XXYLT1: variants seen among roughly 807,000 people sequenced by gnomAD.
XXYLT1 encodes UDP-xylose:alpha-xyloside alpha-1,3-xylosyltransferase.
XXYLT1 carries 20 observed loss-of-function variants against 28.9 expected under a neutral mutation model. That is an observed-to-expected ratio of 0.69 (90% CI 0.49 to 1.00). XXYLT1 has a LOEUF of 1.00. Ranked by LOEUF, XXYLT1 falls within the 50% of genes least tolerant of loss-of-function variation. The probability of loss-of-function intolerance (pLI) is 0.00; values close to 1 mark genes in which losing one functional copy is unlikely to be tolerated. For synonymous variants in XXYLT1, 257 were observed against 253.8 expected, an observed-to-expected ratio of 1.01 and a Z score of -0.12; for missense variants, 542 against 560.1, an observed-to-expected ratio of 0.97 and a Z score of 0.33.
At chr3:195,247,562 G>A (rs367770396) in intron 1 of XXYLT1, among the ~76,000 whole-genome samples, 5 of 152,204 alleles carry the variant, frequency 3.3e-5, no homozygotes, top group South Asian at 2.1e-4. Flanking sequence ...CCCCAGTTCC[G>A]AATGGCCCCC....
At position 195,128,323 on chromosome 3, in the gene XXYLT1, A is replaced by G. The variant is rs559344971; in HGVS notation, c.785+28126T>C. Among the ~76,000 whole-genome samples, 3 of 152,058 alleles carry G rather than the reference A, an allele frequency of 2.0e-5. No homozygotes were observed. The East Asian group carries it at 5.8e-4, about 29-fold the overall frequency. On this transcript the variant is annotated intron_variant, in intron 3 of 3. Transcript: ENST00000310380. ...AGCCAGAACCCCCAGTGCATCCTTA[A>G]CCCATAGCGCATTCATCCTCCTTTC...
chr3:195,162,096 C>CAA (rs34348051), intron 2 of XXYLT1, among the ~76,000 whole-genome samples: 246 of 95,098 alleles, frequency 2.6e-3, no homozygotes, highest in African/African-American at 8.1e-3. Flanking sequence ...GGCCCTGTTT[C>CAA]AAAAAAAAAA....
At chr3:195,179,628 G>A (rs912095642) in intron 2 of XXYLT1, among the ~76,000 whole-genome samples, 6 of 152,104 alleles carry the variant, frequency 3.9e-5, no homozygotes, top group Non-Finnish European at 8.8e-5. Flanking sequence ...GACACCGTCA[G>A]CTTGTAAGTC....
At chr3:195,184,675 G>A in intron 2 of XXYLT1, 1 of 985,342 alleles carries the variant, frequency 1.0e-6, no homozygotes, top group Non-Finnish European at 1.2e-6. Flanking sequence ...AGAACCAACA[G>A]AATTCCTTCC....
chr3:195,178,375 T>C (rs1721779283), intron 2 of XXYLT1, among the ~76,000 whole-genome samples: 1 of 152,188 alleles, frequency 6.6e-6, no homozygotes, highest in Non-Finnish European at 1.5e-5. Context: ...TCAGACCAGC[T>C]TGAGAAGCCG....
At chr3:195,110,764 GT>G (rs1717634725) in intron 3 of XXYLT1, among the ~76,000 whole-genome samples, 1 of 15,482 alleles carries the variant, frequency 6.5e-5, no homozygotes, top group Non-Finnish European at 1.7e-4. Context: ...GTATAAGTGT[GT>G]GTGGTGTGTG....
At chr3:195,234,787 T>G (rs1350959081) in intron 1 of XXYLT1, among the ~76,000 whole-genome samples, 3 of 152,188 alleles carry the variant, frequency 2.0e-5, no homozygotes, top group Admixed American at 6.5e-5. Flanking sequence ...TTAGGATCCT[T>G]TCTTTATTCT....
intron 1 of XXYLT1, among the ~76,000 whole-genome samples, chr3:195,246,907 A>G (rs1209710492): frequency 6.6e-6 from 1 of 152,218 alleles, no homozygotes; most frequent in Non-Finnish European, 1.5e-5. Context: ...CTGCCGCTCC[A>G]GCCTCCTGGT....
At position 195,115,103 on chromosome 3, in the gene XXYLT1, A is replaced by C. The variant is rs1717975733; in HGVS notation, c.785+41346T>G. On this transcript the variant is annotated intron_variant, in intron 3 of 3. Transcript: ENST00000310380. The surrounding 1 kb of genome is among the most constrained non-coding windows in gnomAD (Gnocchi z 4.2). ...TGAGAGGTTGGAACGAGGGAAACTAAGCTTCCCAGATGCCCAAACGGCGAG... is the reference window on the plus strand; with the variant it reads ...TGAGAGGTTGGAACGAGGGAAACTACGCTTCCCAGATGCCCAAACGGCGAG... Among the ~76,000 whole-genome samples, 1 of 152,200 alleles carries C rather than the reference A, an allele frequency of 6.6e-6. No individual in the cohort carries two copies. The highest frequency in any genetic ancestry group is 1.5e-5 in the Non-Finnish European group (1 of 68,038).
intron 3 of XXYLT1, among the ~76,000 whole-genome samples, chr3:195,109,667 GGTGTGTGTGT>G (rs1717373458): frequency 7.8e-6 from 1 of 128,634 alleles, no homozygotes. Context: ...GCGTGTGTGT[GGTGTGTGTGT>G]TGTATGAGTG....
intron 2 of XXYLT1, among the ~76,000 whole-genome samples, chr3:195,179,543 G>A (rs1480821457): frequency 1.3e-5 from 2 of 152,132 alleles, no homozygotes; most frequent in East Asian, 3.9e-4. Flanking sequence ...CTTGAACACT[G>A]GCCAAAGAAT....
chr3:195,169,591 G>C (rs1721294499), intron 2 of XXYLT1, among the ~76,000 whole-genome samples: 1 of 152,144 alleles, frequency 6.6e-6, no homozygotes, highest in Non-Finnish European at 1.5e-5. Context: ...GTTTATCAAG[G>C]CATCAAATGT....
At chr3:195,116,385 G>A (rs1289637418) in intron 3 of XXYLT1, among the ~76,000 whole-genome samples, 10 of 152,196 alleles carry the variant, frequency 6.6e-5, no homozygotes, top group Non-Finnish European at 1.5e-4. Context: ...TAGATTCTGA[G>A]TCAGTAGGTC....
At chr3:195,144,925 T>G (rs1055956165) in intron 3 of XXYLT1, among the ~76,000 whole-genome samples, 2 of 152,194 alleles carry the variant, frequency 1.3e-5, no homozygotes, top group African/African-American at 4.8e-5. Context: ...GGGGTGCCTT[T>G]TCTCTGCTCT....
intron 1 of XXYLT1, 134 bp from the exon 2 acceptor site, chr3:195,226,990 C>A: frequency 1.9e-6 from 2 of 1,063,432 alleles, no homozygotes; most frequent in East Asian, 2.6e-5. Context: ...GGGGATGGGG[C>A]TAGGGGTAGC....
intron 2 of XXYLT1, among the ~76,000 whole-genome samples, chr3:195,169,392 C>T (rs1287890349): frequency 6.6e-6 from 1 of 152,212 alleles, no homozygotes; most frequent in African/African-American, 2.4e-5. Flanking sequence ...TTTGTCAAAA[C>T]AAGCCACGGT....
intron 3 of XXYLT1, among the ~76,000 whole-genome samples, chr3:195,079,898 T>C (rs1715332469): frequency 6.6e-6 from 1 of 152,068 alleles, no homozygotes; most frequent in African/African-American, 2.4e-5. Context: ...GTCAGGTGAC[T>C]CTGGGACTGA....
intron 3 of XXYLT1, among the ~76,000 whole-genome samples, chr3:195,112,919 G>A (rs1717855863): frequency 6.6e-6 from 1 of 152,244 alleles, no homozygotes; most frequent in Non-Finnish European, 1.5e-5. Flanking sequence ...AGCCCCAGGT[G>A]GTGGGAACAG....
chr3:195,188,090 C>T (rs931578165), intron 2 of XXYLT1, among the ~76,000 whole-genome samples: 1 of 152,166 alleles, frequency 6.6e-6, no homozygotes, highest in Admixed American at 6.5e-5. Flanking sequence ...AAGGACTCAT[C>T]CCAGAGACAC....
Sources: gnomAD v4.1 joint callset for allele counts (sites outside exome capture counted in the v4.1 genomes callset) on GRCh38, gnomAD v4.1.1 for gene constraint, Gnocchi (gnomAD v3.1) non-coding constraint, MANE v1.5 for transcripts, NCBI Gene and HGNC (gene_info 2026-07-23, HGNC 2026-07-21) for gene names.